Variants in CNTNAP2 observed in about 807,000 individuals in gnomAD.
CNTNAP2 encodes contactin associated protein 2, also known as contactin-associated protein-like 2.
A neutral mutation model predicts 155.2 loss-of-function variants in CNTNAP2; 98 were observed. The ratio of observed to expected loss-of-function variants is 0.63; its 90% CI spans 0.54 to 0.75. The LOEUF is 0.75. Ranked by LOEUF, CNTNAP2 falls within the 30% of genes least tolerant of loss-of-function variation. The pLI, the probability that CNTNAP2 is intolerant of heterozygous loss-of-function variation, is 0.00. For missense variants in CNTNAP2, 1,727 were observed against 1,688.1 expected (o/e 1.02, Z -0.40); for synonymous variants, 651 against 631.2 (o/e 1.03, Z -0.47).
chr7:147,536,367 G>A (rs1349780185), intron 11 of CNTNAP2, among the ~76,000 whole-genome samples: 2 of 152,106 alleles, frequency 1.3e-5, no homozygotes, highest in Non-Finnish European at 2.9e-5. Context: ...CTTTTTAGTT[G>A]GAGAGAAAAA....
At chr7:147,523,025 G>C (rs1319191019) in intron 11 of CNTNAP2, among the ~76,000 whole-genome samples, 1 of 152,168 alleles carries the variant, frequency 6.6e-6, no homozygotes, top group African/African-American at 2.4e-5. Flanking sequence ...TTATTTCACA[G>C]TGTCTGTGGG....
At chr7:146,285,978 CTGTGTGTGTGTG>C (rs540809295) in intron 1 of CNTNAP2, among the ~76,000 whole-genome samples, 20 of 33,708 alleles carry the variant, frequency 5.9e-4, no homozygotes, top group African/African-American at 8.3e-4. Flanking sequence ...CCTTCCTTCT[CTGTGTGTGTGTG>C]TGTGTGTGTG....
Position 147,257,512 on chromosome 7 carries a change from G to T in CNTNAP2, c.1349-42629G>T, listed in dbSNP as rs143668800. Among the ~76,000 whole-genome samples, 245 of 152,282 alleles carry T rather than the reference G, an allele frequency of 1.6e-3. 2 individuals are homozygous for T. The highest frequency in any genetic ancestry group is 5.6e-3 in the African/African-American group (231 of 41,550). The stretch of plus-strand genomic sequence containing the variant: ...CATAATAGCCTCCTTCTAACAAGGG[G>T]TATTCCTCTCATAAACATTCCTTAG... On this transcript the variant is annotated intron_variant, in intron 8 of 23. Coordinates refer to ENST00000361727, the MANE Select transcript of CNTNAP2 (RefSeq NM_014141.6).
intron 3 of CNTNAP2, among the ~76,000 whole-genome samples, chr7:146,877,977 A>G (rs145183047): frequency 1.3e-5 from 2 of 152,292 alleles, no homozygotes; most frequent in African/African-American, 2.4e-5. Flanking sequence ...CTTTAACATA[A>G]TAAAATACTC....
intron 13 of CNTNAP2, among the ~76,000 whole-genome samples, chr7:147,690,252 G>C (rs1448543313): frequency 6.6e-6 from 1 of 152,062 alleles, no homozygotes; most frequent in Non-Finnish European, 1.5e-5. Flanking sequence ...CAGGCAAACT[G>C]CCTAATATTT....
intron 10 of CNTNAP2, among the ~76,000 whole-genome samples, chr7:147,463,476 C>G (rs1460844725): frequency 1.3e-5 from 2 of 152,168 alleles, no homozygotes; most frequent in African/African-American, 2.4e-5. Context: ...AACCCTCCCC[C>G]AGAAATTTAG....
chr7:148,297,443 C>T (rs1234320940), intron 21 of CNTNAP2, among the ~76,000 whole-genome samples: 1 of 152,166 alleles, frequency 6.6e-6, no homozygotes, highest in Non-Finnish European at 1.5e-5. Flanking sequence ...AGGAGCCCAC[C>T]TGTAGTAGAA....
At chr7:146,350,686 C>G (rs558298650) in intron 1 of CNTNAP2, among the ~76,000 whole-genome samples, 1 of 152,100 alleles carries the variant, frequency 6.6e-6, no homozygotes, top group South Asian at 2.1e-4. Context: ...TGGTTATATA[C>G]CCAAAGGATT....
chr7:148,051,588 C>T (rs1802890227), intron 15 of CNTNAP2, among the ~76,000 whole-genome samples: 1 of 152,116 alleles, frequency 6.6e-6, no homozygotes, highest in Admixed American at 6.5e-5. Flanking sequence ...AGAAGTAGTG[C>T]ATACTGAAAC....
At chr7:147,044,135 A>T in intron 4 of CNTNAP2, 81 bp downstream of exon 4, 2 of 1,515,934 alleles carry the variant, frequency 1.3e-6, no homozygotes, top group Non-Finnish European at 9.1e-7. Flanking sequence ...ATTATTTAAC[A>T]TTACTTGCTT....
chr7:146,407,647 A>C (rs1431982132), intron 1 of CNTNAP2, among the ~76,000 whole-genome samples: 1 of 152,154 alleles, frequency 6.6e-6, no homozygotes, highest in African/African-American at 2.4e-5. Flanking sequence ...CCTCCTAATC[A>C]TCTACTGCCA....
Position 146,268,182 on chromosome 7 carries a change from C to T in CNTNAP2, c.97+151209C>T, listed in dbSNP as rs1270726078. ...ACTTTTAACTTTGCCTAGTGTCAGT[C>T]GAATGAATATCCAGGAAGCTCATGT... On this transcript the variant is annotated intron_variant, in intron 1 of 23. Transcript: ENST00000361727. Among the ~76,000 whole-genome samples the T allele has an allele frequency of 3.3e-5, 5 of 152,216 alleles. No individual in the cohort carries two copies. The East Asian group carries it at 7.7e-4, about 23-fold the overall frequency.
At chr7:147,653,567 T>C (rs570402865) in intron 13 of CNTNAP2, among the ~76,000 whole-genome samples, 3 of 152,182 alleles carry the variant, frequency 2.0e-5, no homozygotes, top group African/African-American at 7.2e-5. Flanking sequence ...CAGTTCGATT[T>C]TGTAAGTAGG....
chr7:146,663,044 A>G (rs1379006828), intron 1 of CNTNAP2, among the ~76,000 whole-genome samples: 1 of 152,096 alleles, frequency 6.6e-6, no homozygotes, highest in East Asian at 1.9e-4. Context: ...TTGGAAGGCT[A>G]AGGCGGGCGG....
intron 1 of CNTNAP2, among the ~76,000 whole-genome samples, chr7:146,245,785 T>C (rs145612058): frequency 0.03 from 4,579 of 152,078 alleles, 220 homozygotes; most frequent in African/African-American, 0.1. Flanking sequence ...TTGCTGAGCC[T>C]AATGGGTATC....
intron 14 of CNTNAP2, among the ~76,000 whole-genome samples, chr7:147,942,560 T>C (rs1320170979): frequency 6.6e-6 from 1 of 152,202 alleles, no homozygotes; most frequent in African/African-American, 2.4e-5. Context: ...TATCTCAGTA[T>C]CTCGTGCAGC....
intron 2 of CNTNAP2, among the ~76,000 whole-genome samples, chr7:146,824,033 C>A (rs1406002050): frequency 1.3e-5 from 2 of 152,072 alleles, no homozygotes; most frequent in East Asian, 1.9e-4. Context: ...CTCTCCCTCC[C>A]CCAGCCCTCC....
chr7:148,253,916 A>G (rs1319514705), intron 20 of CNTNAP2, among the ~76,000 whole-genome samples: 1 of 152,150 alleles, frequency 6.6e-6, no homozygotes, highest in Non-Finnish European at 1.5e-5. Flanking sequence ...TCTTGTGGTC[A>G]GCTCTGAGGA....
At chr7:146,488,851 G>A (rs1797097691) in intron 1 of CNTNAP2, among the ~76,000 whole-genome samples, 1 of 152,044 alleles carries the variant, frequency 6.6e-6, no homozygotes, top group Non-Finnish European at 1.5e-5. Context: ...AAACTCCTGG[G>A]CTCAAGCAAT....
Sources: allele counts gnomAD v4.1 joint callset (sites outside exome capture counted in the v4.1 genomes callset), GRCh38; gene constraint gnomAD v4.1.1; transcripts MANE v1.5; gene names NCBI Gene and HGNC (gene_info 2026-07-23, HGNC 2026-07-21).